ERC1: variants seen among roughly 807,000 people sequenced by gnomAD.
ERC1 encodes RAB6 interacting protein 2.
ERC1 carries 56 observed loss-of-function variants against 132.0 expected under a neutral mutation model. The observed-to-expected ratio is 0.42, with a 90% CI of 0.34 to 0.53. The LOEUF is 0.53. ERC1 is among the 20% of genes least tolerant of loss of function. The pLI is 0.03. For synonymous variants in ERC1, 478 were observed against 476.1 expected (o/e 1.00, Z -0.05); for missense variants, 1,202 against 1,349.9 (o/e 0.89, Z 1.72).
At chr12:1,410,922 C>G (rs78846066) in intron 17 of ERC1, among the ~76,000 whole-genome samples, 1 of 151,680 alleles carries the variant, frequency 6.6e-6, no homozygotes, top group African/African-American at 2.4e-5. Context: ...AAAAAAAAAA[C>G]TGTACTGTGA....
Position 1,332,170 on chromosome 12 carries a change from A to G in ERC1, c.2781-39663A>G, listed in dbSNP as rs537934880. Reference sequence around the variant, plus strand: ...TCTTCATTTAGTTCTTGGTTGGGGGAACAAAATATCCTTGACTTTATCTTA... The same window carrying G: ...TCTTCATTTAGTTCTTGGTTGGGGGGACAAAATATCCTTGACTTTATCTTA... On this transcript the variant is annotated intron_variant, in intron 15 of 18. Coordinates refer to ENST00000360905, the MANE Select transcript of ERC1 (RefSeq NM_178040.4). Among the ~76,000 whole-genome samples the G allele has an allele frequency of 2.6e-5, 4 of 152,084 alleles. No individual in the cohort carries two copies. The South Asian group carries it at 8.3e-4, about 32-fold the overall frequency.
chr12:1,046,111 A>G (rs1404023902), intron 2 of ERC1, among the ~76,000 whole-genome samples: 1 of 152,150 alleles, frequency 6.6e-6, no homozygotes, highest in Non-Finnish European at 1.5e-5. Flanking sequence ...CTGGCATAGG[A>G]TTGTCAAATA....
At chr12:1,282,279 C>G (rs947052878) in intron 14 of ERC1, among the ~76,000 whole-genome samples, 1 of 151,982 alleles carries the variant, frequency 6.6e-6, no homozygotes, top group African/African-American at 2.4e-5. Flanking sequence ...TGTATGACCT[C>G]GGACAAGGCA....
At chr12:1,431,017 G>C (rs1269475683) in intron 17 of ERC1, among the ~76,000 whole-genome samples, 3 of 152,180 alleles carry the variant, frequency 2.0e-5, no homozygotes, top group Non-Finnish European at 4.4e-5. Context: ...AGAAAATAGA[G>C]AACACCGTCT....
intron 12 of ERC1, among the ~76,000 whole-genome samples, chr12:1,190,563 A>G (rs1487039989): frequency 6.6e-6 from 1 of 152,192 alleles, no homozygotes; most frequent in Admixed American, 6.5e-5. Flanking sequence ...TTTGAGGACA[A>G]TTTAGGAGCC....
chr12:1,288,495 A>C (rs533053775), intron 14 of ERC1, among the ~76,000 whole-genome samples: 5 of 152,366 alleles, frequency 3.3e-5, no homozygotes, highest in South Asian at 2.1e-4. Flanking sequence ...TTCTGGAAGG[A>C]TAAAAAAATT....
At chr12:1,050,952 C>T (rs1971846615) in intron 2 of ERC1, among the ~76,000 whole-genome samples, 3 of 152,012 alleles carry the variant, frequency 2.0e-5, no homozygotes, top group African/African-American at 7.3e-5. Context: ...TTGCAGTGAG[C>T]CGAGATTGTG....
In ERC1 at chr12:1,263,181, C is replaced by G; in HGVS notation, c.2619+16C>G. 2 of 1,612,538 alleles carry G rather than the reference C, an allele frequency of 1.2e-6. No homozygotes were observed. Among genetic ancestry groups the G allele is most frequent in the Non-Finnish European group, 1.7e-6 (2 of 1,179,158 alleles). On this transcript the variant is annotated intron_variant, in intron 14 of 18. Coordinates refer to ENST00000360905, the MANE Select transcript of ERC1 (RefSeq NM_178040.4). Reference sequence around the variant, plus strand: ...TGAAAAACAGGTCTGCTATTTTATACAGTTCCAAGCAATGCTGCTGGTTAA... The same window carrying G: ...TGAAAAACAGGTCTGCTATTTTATAGAGTTCCAAGCAATGCTGCTGGTTAA...
At chr12:1,381,587 A>G (rs1417014965) in intron 16 of ERC1, among the ~76,000 whole-genome samples, 1 of 152,198 alleles carries the variant, frequency 6.6e-6, no homozygotes, top group Non-Finnish European at 1.5e-5. Context: ...TGTGTATATT[A>G]AGTACTCAAA....
chr12:1,036,363 C>T (rs1465720735), intron 2 of ERC1, among the ~76,000 whole-genome samples: 1 of 150,292 alleles, frequency 6.7e-6, no homozygotes, highest in East Asian at 1.9e-4. Flanking sequence ...TATTATTTGC[C>T]ATTAAATAAA....
chr12:1,367,412 G>A (rs1212529758), intron 15 of ERC1, among the ~76,000 whole-genome samples: 1 of 152,174 alleles, frequency 6.6e-6, no homozygotes, highest in Non-Finnish European at 1.5e-5. Context: ...GTTGGAGGAG[G>A]AGCGAATAAT....
chr12:1,369,298 G>C (rs965155362), intron 15 of ERC1, among the ~76,000 whole-genome samples: 2 of 152,190 alleles, frequency 1.3e-5, no homozygotes, highest in African/African-American at 4.8e-5. Context: ...TACCATTTAT[G>C]AAAGAGTTTG....
intron 18 of ERC1, among the ~76,000 whole-genome samples, chr12:1,456,507 T>C (rs146137299): frequency 1.2e-4 from 19 of 152,200 alleles, no homozygotes; most frequent in Non-Finnish European, 2.8e-4. Flanking sequence ...TCAGGTCAGA[T>C]TTGAGACACC....
intron 1 of ERC1, among the ~76,000 whole-genome samples, chr12:1,021,320 T>G (rs1384162919): frequency 6.6e-6 from 1 of 152,080 alleles, no homozygotes; most frequent in Non-Finnish European, 1.5e-5. Flanking sequence ...GCCAGGCCAT[T>G]TTTCAGGATT....
chr12:1,484,004 C>G (rs1286430821), intron 18 of ERC1, among the ~76,000 whole-genome samples: 1 of 151,066 alleles, frequency 6.6e-6, no homozygotes, highest in East Asian at 2.0e-4. Flanking sequence ...TCAATGAGGT[C>G]TTTAAAAAAT....
chr12:1,442,651 T>C (rs1015642328), intron 17 of ERC1, among the ~76,000 whole-genome samples: 5 of 152,242 alleles, frequency 3.3e-5, no homozygotes, highest in African/African-American at 1.2e-4. Flanking sequence ...CACTAAGCCC[T>C]TGCTCTTTAT....
intron 17 of ERC1, among the ~76,000 whole-genome samples, chr12:1,434,590 G>T (rs2092899661): frequency 6.6e-6 from 1 of 152,150 alleles, no homozygotes; most frequent in African/African-American, 2.4e-5. Context: ...TTCCCAGTGG[G>T]GCTGCCCCCC....
At chr12:1,121,893 C>G (rs1349218063) in intron 7 of ERC1, among the ~76,000 whole-genome samples, 13 of 11,008 alleles carry the variant, frequency 1.2e-3, no homozygotes, top group Non-Finnish European at 3.2e-3. Context: ...GTCTCTATCT[C>G]TATCTCTATC....
chr12:1,071,645 G>A (rs1335668433), intron 2 of ERC1, among the ~76,000 whole-genome samples: 1 of 151,294 alleles, frequency 6.6e-6, no homozygotes, highest in Non-Finnish European at 1.5e-5. Flanking sequence ...TTTTTATAGT[G>A]GTCTCTTTCT....
Sources: gnomAD v4.1 joint callset for allele counts (sites outside exome capture counted in the v4.1 genomes callset) on GRCh38, gnomAD v4.1.1 for gene constraint, MANE v1.5 for transcripts, NCBI Gene and HGNC (gene_info 2026-07-23, HGNC 2026-07-21) for gene names.